GATB: variants seen among roughly 807,000 people sequenced by gnomAD.
GATB encodes the protein glutamyl-tRNA amidotransferase subunit B, also known as glutamyl-tRNA(Gln) amidotransferase subunit B, mitochondrial.
In GATB, 39 loss-of-function variants were observed where a neutral mutation model predicts 62.3. The observed-to-expected ratio is 0.63, with a 90% confidence interval of 0.48 to 0.82. GATB has a LOEUF of 0.82. GATB is among the 40% of genes least tolerant of loss of function. GATB has a pLI of 0.00. For missense variants in GATB, 670 were observed against 684.0 expected, an observed-to-expected ratio of 0.98 and a Z score of 0.23; for synonymous variants, 276 against 258.9, an observed-to-expected ratio of 1.07 and a Z score of -0.63.
At chr4:151,717,419 C>T in intron 3 of GATB, 1 of 274,276 alleles carries the variant, frequency 3.6e-6, no homozygotes, top group South Asian at 4.2e-5. Flanking sequence ...TTATTGTTTC[C>T]ATCCAGCTCA....
intron 5 of GATB, among the ~76,000 whole-genome samples, chr4:151,710,458 T>G (rs1460409923): frequency 6.6e-6 from 1 of 152,238 alleles, no homozygotes; most frequent in African/African-American, 2.4e-5. Context: ...CAAGTTTTGT[T>G]TGTTTGTTGC....
intron 5 of GATB, among the ~76,000 whole-genome samples, chr4:151,708,451 C>G (rs1738757664): frequency 1.3e-5 from 2 of 152,078 alleles, no homozygotes; most frequent in African/African-American, 4.8e-5. Context: ...TGGAGATTGA[C>G]TCTGCAGTTT....
At chr4:151,696,447 T>G (rs933747899) in intron 9 of GATB, among the ~76,000 whole-genome samples, 2 of 152,226 alleles carry the variant, frequency 1.3e-5, no homozygotes, top group East Asian at 3.8e-4. Context: ...ATCAATTAAC[T>G]AAAAACACTA....
In GATB at chr4:151,712,653, G is replaced by A. The variant is rs572387283; in HGVS notation, c.763+3356C>T. Among the ~76,000 whole-genome samples, 163 of 152,082 alleles carry A rather than the reference G, an allele frequency of 1.1e-3. 1 individual carries two copies. Among genetic ancestry groups the A allele is most frequent in the Non-Finnish European group, 2.0e-3 (134 of 67,974 alleles). On this transcript the variant is annotated intron_variant, in intron 5 of 12. Transcript: ENST00000263985. ...AACAAGGTTTGACCAAAAAAAAAGC[G>A]AACAAATTTTACTGAACGTATTTTA...
intron 2 of GATB, among the ~76,000 whole-genome samples, chr4:151,753,391 C>T (rs981397235): frequency 3.9e-5 from 6 of 152,174 alleles, no homozygotes; most frequent in African/African-American, 1.4e-4. Context: ...CATCTCAGTT[C>T]TCGCTAGTGT....
chr4:151,687,408 G>C (rs1409260079), intron 10 of GATB, among the ~76,000 whole-genome samples: 4 of 152,168 alleles, frequency 2.6e-5, no homozygotes, highest in Non-Finnish European at 4.4e-5. Context: ...TTTCACCTCT[G>C]CCCAAGCAAG....
intron 9 of GATB, among the ~76,000 whole-genome samples, chr4:151,694,825 AT>A (rs1253794879): frequency 1.3e-5 from 2 of 152,232 alleles, no homozygotes; most frequent in Non-Finnish European, 2.9e-5. Context: ...AAACCTGGTC[AT>A]TTCTGGCTTA....
At chr4:151,684,054 A>G (rs1738197397) in intron 10 of GATB, among the ~76,000 whole-genome samples, 1 of 152,220 alleles carries the variant, frequency 6.6e-6, no homozygotes, top group African/African-American at 2.4e-5. Flanking sequence ...GTCTGGCCAC[A>G]GTGAGCTCAA....
At position 151,760,952 on chromosome 4, in the gene GATB, G is replaced by A. The variant is rs372266285; in HGVS notation, c.31C>T (p.Arg11Cys). 1.1e-5 allele frequency: 17 copies of A among 1,613,016 alleles called. No homozygotes were observed. The highest frequency in any genetic ancestry group is 1.7e-4 in the Middle Eastern group (1 of 5,738). Residue 11 changes from arginine (R) to cysteine (C), a missense_variant, in exon 1 of 13, where the codon CGT becomes TGT. Arg to Cys is a radical substitution (Grantham distance 180). Transcript: ENST00000263985. MAAPMLRWGC[R>C]GRRWAFARVD... The stretch of plus-strand genomic sequence containing the variant: ...CGGGCGAAAGCCCAACGTCTTCCAC[G>A]GCAGCCCCAGCGCAGCATGGGCGCC...
At chr4:151,744,232 G>C (rs2126994652) in intron 2 of GATB, among the ~76,000 whole-genome samples, 1 of 152,294 alleles carries the variant, frequency 6.6e-6, no homozygotes, top group South Asian at 2.1e-4. Context: ...CTTTTATATG[G>C]ATGCCTCGTG....
At chr4:151,735,769 A>T (rs572302270) in intron 2 of GATB, among the ~76,000 whole-genome samples, 2 of 96,196 alleles carry the variant, frequency 2.1e-5, no homozygotes, top group Admixed American at 9.7e-5. Context: ...ATGGAATACT[A>T]CTCAGCCATA....
chr4:151,753,069 G>A (rs1270987966), intron 2 of GATB, among the ~76,000 whole-genome samples: 1 of 152,124 alleles, frequency 6.6e-6, no homozygotes, highest in Non-Finnish European at 1.5e-5. Flanking sequence ...GGACATACCA[G>A]GCCACCTAAG....
chr4:151,697,949 G>GTATA (rs781688717), intron 9 of GATB, among the ~76,000 whole-genome samples: 7 of 96,932 alleles, frequency 7.2e-5, no homozygotes, highest in African/African-American at 4.6e-4. Flanking sequence ...GTGTGTGTGT[G>GTATA]TGTGTATATA....
At chr4:151,698,966 G>T (rs115132507) in intron 9 of GATB, among the ~76,000 whole-genome samples, 1,909 of 151,580 alleles carry the variant, frequency 0.013, 40 homozygotes, top group African/African-American at 0.044. Flanking sequence ...TCTGTCCTGT[G>T]GGCTGGTTAT....
At chr4:151,706,410 G>A (rs576958354) in intron 6 of GATB, among the ~76,000 whole-genome samples, 17 of 148,032 alleles carry the variant, frequency 1.1e-4, no homozygotes, top group Non-Finnish European at 1.8e-4. Context: ...TTAAAATAAC[G>A]GGTCCCAGCC....
intron 10 of GATB, among the ~76,000 whole-genome samples, chr4:151,681,939 C>T (rs1312156709): frequency 1.3e-5 from 2 of 152,196 alleles, no homozygotes; most frequent in African/African-American, 4.8e-5. Context: ...CCAAAGGTCC[C>T]ATTTCCTCAC....
At chr4:151,710,317 C>G (rs922124559) in intron 5 of GATB, among the ~76,000 whole-genome samples, 1 of 152,218 alleles carries the variant, frequency 6.6e-6, no homozygotes, top group African/African-American at 2.4e-5. Flanking sequence ...CTGACGTATA[C>G]ATATGCAATA....
chr4:151,751,661 G>A (rs913589014), intron 2 of GATB, among the ~76,000 whole-genome samples: 1 of 152,050 alleles, frequency 6.6e-6, no homozygotes, highest in Non-Finnish European at 1.5e-5. Flanking sequence ...ATCAGTAGCT[G>A]GTGCTTCTAT....
At chr4:151,697,135 T>C (rs2126965825) in intron 9 of GATB, among the ~76,000 whole-genome samples, 1 of 152,302 alleles carries the variant, frequency 6.6e-6, no homozygotes, top group East Asian at 1.9e-4. Context: ...ACTGGGCAAC[T>C]AGCCAAAGGA....
Sources: gnomAD v4.1 joint callset for allele counts (sites outside exome capture counted in the v4.1 genomes callset) on GRCh38, gnomAD v4.1.1 for gene constraint, MANE v1.5 for transcripts, NCBI Gene and HGNC (gene_info 2026-07-23, HGNC 2026-07-21) for gene names.